CASD1: variants seen among roughly 807,000 people sequenced by gnomAD.
The protein encoded by CASD1 is N-acetylneuraminate (7)9-O-acetyltransferase.
In CASD1, 41 loss-of-function variants were observed where a neutral mutation model predicts 100.0. That is an observed-to-expected ratio of 0.41 (90% CI 0.32 to 0.53). The LOEUF (loss-of-function observed/expected upper bound fraction) is 0.53, where lower values mean the gene tolerates loss of function less well. Among genes scored for constraint, CASD1 ranks in the 20% least tolerant of loss-of-function variants. CASD1 has a pLI of 0.25. For missense variants in CASD1, 774 were observed against 948.7 expected (o/e 0.82, Z 2.42); for synonymous variants, 321 against 315.6 (o/e 1.02, Z -0.18).
the CASD1 span, among the ~76,000 whole-genome samples, chr7:94,584,350 A>G: frequency 4.9e-4 from 75 of 152,294 alleles, 1 homozygote; most frequent in African/African-American, 1.8e-3. Context: ...GATGCAATAC[A>G]TTTACAATCT....
the CASD1 span, chr7:94,626,029 T>C: frequency 1.3e-5 from 2 of 152,136 alleles, no homozygotes; most frequent in African/African-American, 4.8e-5. Flanking sequence ...ATTTTACTGA[T>C]GGCAAAATTT....
At chr7:94,536,988 C>CT (rs1795153659) in intron 8 of CASD1, among the ~76,000 whole-genome samples, 1 of 151,948 alleles carries the variant, frequency 6.6e-6, no homozygotes. Flanking sequence ...TTATTTTGTG[C>CT]TTTTTTTCCC....
chr7:94,555,754 A>G lies in CASD1; in HGVS notation c.2390A>G (p.His797Arg), dbSNP rs768724410. ...ILSSIQDKSK[H>R] is the part of the protein sequence containing the mutation. ...TCATCCATTCAAGATAAATCAAAACATTAGGTTCCAAAAATTCTAAAAAAC... is the reference window on the plus strand; with the variant it reads ...TCATCCATTCAAGATAAATCAAAACGTTAGGTTCCAAAAATTCTAAAAAAC... The change falls in exon 18 of 18, where the codon CAT (histidine) becomes CGT (arginine). Residue 797 changes from histidine to arginine, a missense_variant. His to Arg is a conservative substitution (Grantham distance 29). Coordinates refer to ENST00000297273, the MANE Select transcript of CASD1 (RefSeq NM_022900.5). The G allele has an allele frequency of 3.1e-6, 5 of 1,608,658 alleles. No individual in the cohort carries two copies. Among genetic ancestry groups the G allele is most frequent in the South Asian group, 1.1e-5 (1 of 90,236 alleles).
At chr7:94,567,725 A>G in the CASD1 span, among the ~76,000 whole-genome samples, 1 of 152,096 alleles carries the variant, frequency 6.6e-6, no homozygotes, top group African/African-American at 2.4e-5. Flanking sequence ...TTATGTATGT[A>G]TTTTTGAATA....
At chr7:94,580,045 A>G in the CASD1 span, among the ~76,000 whole-genome samples, 1 of 152,100 alleles carries the variant, frequency 6.6e-6, no homozygotes. Flanking sequence ...TACCTCCTAA[A>G]TAGCTCTTGA....
intron 1 of CASD1, among the ~76,000 whole-genome samples, chr7:94,511,100 T>C (rs1261579589): frequency 6.6e-6 from 1 of 152,358 alleles, no homozygotes; most frequent in East Asian, 1.9e-4. Context: ...TTGTTTTTTT[T>C]CCTTTGTAAA....
the CASD1 span, chr7:94,625,388 A>G: frequency 6.6e-6 from 1 of 151,944 alleles, no homozygotes; most frequent in Admixed American, 6.6e-5. Flanking sequence ...CTATATTTTT[A>G]TACATATTCA....
At chr7:94,601,424 C>G in the CASD1 span, among the ~76,000 whole-genome samples, 1 of 119,800 alleles carries the variant, frequency 8.3e-6, no homozygotes, top group Non-Finnish European at 1.6e-5. Context: ...CCCAGTCTTA[C>G]TTAATTCTAT....
the CASD1 span, among the ~76,000 whole-genome samples, chr7:94,569,235 T>G: frequency 2.0e-5 from 3 of 152,148 alleles, no homozygotes; most frequent in Admixed American, 2.0e-4. Context: ...GGTATATAAA[T>G]AAGGTCATTC....
At chr7:94,618,937 T>C in the CASD1 span, 1 of 1,613,618 alleles carries the variant, frequency 6.2e-7, no homozygotes, top group Non-Finnish European at 8.5e-7. Context: ...AGAATTCTGC[T>C]TGATATGGCA....
At chr7:94,518,852 A>C (rs1284777769) in intron 3 of CASD1, among the ~76,000 whole-genome samples, 1 of 152,032 alleles carries the variant, frequency 6.6e-6, no homozygotes, top group African/African-American at 2.4e-5. Context: ...AGCTTTTTAT[A>C]GTTTTCTAAT....
the CASD1 span, among the ~76,000 whole-genome samples, chr7:94,603,675 C>A: frequency 1.9e-3 from 289 of 152,194 alleles, no homozygotes; most frequent in African/African-American, 6.7e-3. Context: ...ATACCAGATA[C>A]TCTCTCCATT....
the CASD1 span, among the ~76,000 whole-genome samples, chr7:94,576,352 C>G: frequency 6.6e-6 from 1 of 152,096 alleles, no homozygotes; most frequent in Non-Finnish European, 1.5e-5. Context: ...ATTGGCTGGC[C>G]CCTGGAAGGT....
At chr7:94,630,325 T>C in the CASD1 span, among the ~76,000 whole-genome samples, 1 of 151,868 alleles carries the variant, frequency 6.6e-6, no homozygotes, top group African/African-American at 2.4e-5. Context: ...TGTCAGACTA[T>C]ATAACACTAT....
intron 3 of CASD1, 113 bp downstream of exon 3, chr7:94,518,436 A>G: frequency 1.2e-6 from 1 of 845,636 alleles, no homozygotes; most frequent in Admixed American, 3.0e-5. Context: ...TTTTACTTTG[A>G]TTTTCAGAAA....
At chr7:94,612,739 C>A in the CASD1 span, among the ~76,000 whole-genome samples, 1 of 152,124 alleles carries the variant, frequency 6.6e-6, no homozygotes, top group Non-Finnish European at 1.5e-5. Context: ...AGCTTTTCAA[C>A]TTAATATGTT....
chr7:94,551,073 A>G (rs1277089437), intron 14 of CASD1, among the ~76,000 whole-genome samples: 1 of 151,928 alleles, frequency 6.6e-6, no homozygotes, highest in Non-Finnish European at 1.5e-5. Context: ...TTATTACTTC[A>G]CTTGCCACTG....
At position 94,539,035 on chromosome 7, in the gene CASD1, T is replaced by C. The variant is rs1051357383; in HGVS notation, c.1335T>C (p.Tyr445=). 6.9e-6 allele frequency: 11 copies of C among 1,604,068 alleles called. No homozygotes were observed. The highest frequency in any genetic ancestry group is 2.2e-5 in the East Asian group (1 of 44,664). ...KGWMQLVILI[Y]HISGASTFLP... ...GGATGCAACTTGTGATTTTGATTTA[T>C]CACATTTCTGGAGCAAGTACAGTAA... is the stretch of plus-strand genomic sequence containing the variant. The change falls in exon 10 of 18, where the codon TAT becomes TAC. Residue 445 remains tyrosine, a synonymous_variant. Coordinates refer to ENST00000297273, the MANE Select transcript of CASD1 (RefSeq NM_022900.5).
At chr7:94,571,357 C>T in the CASD1 span, among the ~76,000 whole-genome samples, 1 of 152,010 alleles carries the variant, frequency 6.6e-6, no homozygotes, top group African/African-American at 2.4e-5. Context: ...ACTTCCCACC[C>T]CCATTTTTGA....
Sources: gnomAD v4.1 joint callset for allele counts (sites outside exome capture counted in the v4.1 genomes callset) on GRCh38, gnomAD v4.1.1 for gene constraint, MANE v1.5 for transcripts, NCBI Gene and HGNC (gene_info 2026-07-23, HGNC 2026-07-21) for gene names.